Variants in DHX33 observed in about 807,000 individuals in gnomAD.
DHX33 encodes the protein DEAH-box helicase 33.
In DHX33, 42 loss-of-function variants were observed where a neutral mutation model predicts 72.5. The ratio of observed to expected loss-of-function variants is 0.58; its 90% CI spans 0.45 to 0.75. DHX33 has a LOEUF of 0.75. DHX33 is among the 30% of genes least tolerant of loss of function. DHX33 has a pLI of 0.00. For synonymous variants in DHX33, 358 were observed against 366.1 expected (o/e 0.98, Z 0.25); for missense variants, 842 against 917.5 (o/e 0.92, Z 1.06).
intron 11 of DHX33, among the ~76,000 whole-genome samples, chr17:5,445,355 A>G (rs1383603336): frequency 6.6e-6 from 1 of 152,232 alleles, no homozygotes; most frequent in Non-Finnish European, 1.5e-5. Flanking sequence ...CTGGGATTAC[A>G]GGCGTGAGCC....
chr17:5,461,920 A>G (rs945707821), intron 3 of DHX33, among the ~76,000 whole-genome samples: 1 of 144,034 alleles, frequency 6.9e-6, no homozygotes, highest in African/African-American at 2.6e-5. Flanking sequence ...AAGTTATGCT[A>G]TTTAATGAAC....
chr17:5,460,538 CCT>C (rs1271396302), intron 4 of DHX33, among the ~76,000 whole-genome samples: 1 of 149,966 alleles, frequency 6.7e-6, no homozygotes, highest in South Asian at 2.1e-4. Context: ...ACGGAGTCTC[CCT>C]CTGTCACCTA....
Position 5,462,301 on chromosome 17 carries a change from G to C in DHX33, c.678+18C>G, listed in dbSNP as rs181980538. ...GGGGAAGTTTCCCTCATACTTTCAG[G>C]GGAAGTTTCCCTCATACTTTCAGAG... On this transcript the variant is annotated intron_variant, in intron 3 of 11. Coordinates refer to ENST00000225296, the MANE Select transcript of DHX33 (RefSeq NM_020162.4). 1 of 1,606,718 alleles carries C rather than the reference G, an allele frequency of 6.2e-7. No homozygotes were observed. Among genetic ancestry groups the C allele is most frequent in the African/African-American group, 1.3e-5 (1 of 74,548 alleles).
Position 5,453,843 on chromosome 17 carries a change from T to A in DHX33, c.1285A>T (p.Met429Leu). The change falls in exon 7 of 12, where the codon ATG becomes TTG. Residue 429 changes from methionine to leucine, a missense_variant. Transcript: ENST00000225296. ...TACCTCTGGATCTCTGGCACGGTCA[T>A]CTTATCAAACTTCTCAAACTCGTCC... is the stretch of plus-strand genomic sequence containing the variant. ...TEDEFEKFDK[M>L]TVPEIQRCNL... The A allele has an allele frequency of 6.2e-7, 1 of 1,614,098 alleles. No individual in the cohort carries two copies.
chr17:5,461,810 A>G (rs964633460), intron 3 of DHX33, among the ~76,000 whole-genome samples: 2 of 150,962 alleles, frequency 1.3e-5, no homozygotes, highest in African/African-American at 4.9e-5. Flanking sequence ...CGGCCTCCCA[A>G]AGTGCTGGGA....
intron 3 of DHX33, among the ~76,000 whole-genome samples, chr17:5,461,730 G>A (rs895674061): frequency 2.0e-5 from 3 of 151,522 alleles, no homozygotes; most frequent in African/African-American, 7.3e-5. Flanking sequence ...TGTATTTTTA[G>A]TAGAGACGGG....
At chr17:5,450,075 T>C in intron 10 of DHX33, 128 bp downstream of exon 10, 1 of 1,136,530 alleles carries the variant, frequency 8.8e-7, no homozygotes, top group East Asian at 2.4e-5. Flanking sequence ...GGCTTTCTTT[T>C]TGTGATTCTT....
intron 8 of DHX33, among the ~76,000 whole-genome samples, chr17:5,451,545 C>A (rs1032763687): frequency 1.3e-5 from 2 of 152,172 alleles, no homozygotes; most frequent in East Asian, 3.8e-4. Context: ...GAGACCATAT[C>A]GCCAGAACCA....
At chr17:5,468,360 C>T (rs1904971133) in intron 1 of DHX33, among the ~76,000 whole-genome samples, 1 of 152,224 alleles carries the variant, frequency 6.6e-6, no homozygotes, top group African/African-American at 2.4e-5. Flanking sequence ...TCTTTGCCTA[C>T]ACACGTTGGT....
rs1916436603 is a variant in DHX33 at position 5,441,526 on chromosome 17, T to C, written c.*2679A>G. On this transcript the variant is annotated 3_prime_UTR_variant, in exon 12 of 12. Transcript: ENST00000225296. ...ATGGAAAGAGAGTAGCTGAAGATTA[T>C]ATTGCAATGTTATTGTGAAACATTT... 1 of 152,204 alleles carries C rather than the reference T, an allele frequency of 6.6e-6. No individual in the cohort carries two copies. The allele number at this position is 152,204 out of a possible 1,614,324, so 9.4% of individuals were successfully genotyped here.
intron 11 of DHX33, 159 bp downstream of exon 11, chr17:5,448,650 T>C (rs1390765813): frequency 4.4e-6 from 2 of 456,026 alleles, no homozygotes; most frequent in Admixed American, 4.2e-5. Context: ...GCTAAACTAC[T>C]GAATTGTGGA....
intron 8 of DHX33, among the ~76,000 whole-genome samples, chr17:5,452,544 C>T (rs2151685627): frequency 6.7e-6 from 1 of 148,184 alleles, no homozygotes; most frequent in Middle Eastern, 3.5e-3. Flanking sequence ...TGTCTCAAAA[C>T]AAAAACAAAA....
intron 4 of DHX33, 146 bp from the exon 5 acceptor site, chr17:5,456,328 G>T: frequency 1.1e-6 from 1 of 904,902 alleles, no homozygotes; most frequent in Non-Finnish European, 1.7e-6. Context: ...TGTCTAGCTT[G>T]GAGAGAACCC....
At chr17:5,454,465 G>T (rs995162435) in intron 6 of DHX33, among the ~76,000 whole-genome samples, 2 of 152,128 alleles carry the variant, frequency 1.3e-5, no homozygotes, top group African/African-American at 4.8e-5. Flanking sequence ...GAAATAATGT[G>T]ATGTCTGTTT....
rs779864363 is a variant in DHX33, at chr17:5,468,825, C to T, written c.35G>A (p.Arg12Lys). The change falls in exon 1 of 12, where the codon AGA becomes AAA. Residue 12 changes from arginine (R) to lysine (K), a missense_variant. Transcript: ENST00000225296. ...CGGAGGTCCAGAGCCTGGCCGGAAT[C>T]TCTTGGCCGGCGGGAAGCCCGCCTC... ...PEEAGFPPAK[R>K]FRPGSGPPSR... 5 of 1,574,794 alleles carry T rather than the reference C, an allele frequency of 3.2e-6. No individual in the cohort carries two copies. The Admixed American group carries it at 9.3e-5, about 29-fold the overall frequency.
rs201316422 is a variant in DHX33 at position 5,443,835 on chromosome 17, C to T, written c.*370G>A. On this transcript the variant is annotated 3_prime_UTR_variant, in exon 12 of 12. Coordinates refer to ENST00000225296, the MANE Select transcript of DHX33 (RefSeq NM_020162.4). ...CCCAACTCACTGTACGTGTGTCGTG[C>T]GTGCTCCAGGCATAGTTCTGGGTAC... The T allele has an allele frequency of 3.9e-5, 4 of 103,192 alleles. No homozygotes were observed. The highest frequency in any genetic ancestry group is 6.2e-5 in the Non-Finnish European group (4 of 65,026). 6.4% of individuals were successfully genotyped at this position (103,192 alleles called of 1,614,324 possible).
Position 5,455,256 on chromosome 17 carries a change from T to C in DHX33, c.1051A>G (p.Ile351Val), listed in dbSNP as rs1308004845. The C allele has an allele frequency of 1.9e-6, 3 of 1,614,190 alleles. No homozygotes were observed. Among genetic ancestry groups the C allele is most frequent in the Non-Finnish European group, 2.5e-6 (3 of 1,180,014 alleles). ...QGAPKGYRKV[I>V]ISTNIAETSI... The stretch of plus-strand genomic sequence containing the variant: ...GTTTCAGCGATGTTGGTTGAAATGA[T>C]CACTTTGCGATAGCCCTAAAAGGAG... The change falls in exon 6 of 12, where the codon ATC becomes GTC. Residue 351 changes from isoleucine (I) to valine (V), a missense_variant. Transcript: ENST00000225296.
In DHX33 at chr17:5,441,382, C is replaced by T. The variant is rs1916430936; in HGVS notation, c.*2823G>A. 1 of 152,208 alleles carries T rather than the reference C, an allele frequency of 6.6e-6. No homozygotes were observed. The highest frequency in any genetic ancestry group is 1.5e-5 in the Non-Finnish European group (1 of 68,046). The allele number at this position is 152,208 out of a possible 1,614,324, so 9.4% of individuals were successfully genotyped here. A position where few individuals can be genotyped will look rare whatever the true frequency, so the allele number is the denominator to read the frequency against. ...ATTACTAGAAGACAAACACCTGAGG[C>T]ATGCAATCTGCTTGGAGTGCATCTA... is the stretch of plus-strand genomic sequence containing the variant. On this transcript the variant is annotated 3_prime_UTR_variant, in exon 12 of 12. Coordinates refer to ENST00000225296, the MANE Select transcript of DHX33 (RefSeq NM_020162.4).
Position 5,450,835 on chromosome 17 carries a change from G to T in DHX33, c.1496C>A (p.Ala499Glu). 6.2e-7 allele frequency: 1 copy of T among 1,614,194 alleles called. No individual in the cohort carries two copies. Among genetic ancestry groups the T allele is most frequent in the Non-Finnish European group, 8.5e-7 (1 of 1,180,038 alleles). ...TLTPMGRKMA[A>E]FPLEPKFAKT... ...GGCAAATTTGGGTTCTAAAGGAAATGCTGCCATCTTTCTTCCCATTGGAGT... is the reference window on the plus strand; with the variant it reads ...GGCAAATTTGGGTTCTAAAGGAAATTCTGCCATCTTTCTTCCCATTGGAGT... The change falls in exon 9 of 12, where the codon GCA becomes GAA. Residue 499 changes from alanine to glutamate, a missense_variant. Physicochemically the swap from Ala to Glu is moderately radical, Grantham distance 107 (BLOSUM62 -1). Transcript: ENST00000225296.
Sources: gnomAD v4.1 joint callset for allele counts (sites outside exome capture counted in the v4.1 genomes callset) on GRCh38, gnomAD v4.1.1 for gene constraint, MANE v1.5 for transcripts, NCBI Gene and HGNC (gene_info 2026-07-23, HGNC 2026-07-21) for gene names.